Variants in SFXN3 observed in about 807,000 individuals in gnomAD.
SFXN3 encodes the protein sideroflexin 3, also known as sideroflexin-3.
In SFXN3, 31 loss-of-function variants were observed where a neutral mutation model predicts 40.4. That is an observed-to-expected ratio of 0.77 (90% confidence interval 0.58 to 1.04). SFXN3 has a LOEUF of 1.04. Ranked by LOEUF, SFXN3 falls within the 50% of genes least tolerant of loss-of-function variation. SFXN3 has a pLI of 0.00. For synonymous variants in SFXN3, 157 were observed against 160.0 expected, an observed-to-expected ratio of 0.98 and a Z score of 0.14; for missense variants, 366 against 408.2, an observed-to-expected ratio of 0.90 and a Z score of 0.89.
rs775603051 is a variant in SFXN3 at position 101,036,851 on chromosome 10, G to T, written c.593+43G>T. ...CTGGCATGTGCATGCCCAGAATGTA[G>T]CACACTGTCCATCCACGCAGACCAC... On this transcript the variant is annotated intron_variant, in intron 7 of 11. Coordinates refer to ENST00000393459, the Ensembl canonical transcript of SFXN3. This position sits in a 1 kb window ranked among gnomAD's most constrained non-coding sequence, Gnocchi z 4.2. 1.9e-6 allele frequency: 3 copies of T among 1,601,926 alleles called. No individual in the cohort carries two copies. Among genetic ancestry groups the T allele is most frequent in the African/African-American group, 1.3e-5 (1 of 74,772 alleles).
At chr10:101,033,693 CTG>C (rs1453774261) in intron 2 of SFXN3, among the ~76,000 whole-genome samples, 1 of 152,152 alleles carries the variant, frequency 6.6e-6, no homozygotes, top group Non-Finnish European at 1.5e-5. Flanking sequence ...GCACCGGTCT[CTG>C]AGTTCCCTCA....
At chr10:101,038,814 GTGTT>G in intron 10 of SFXN3, 122 bp downstream of exon 10, 1 of 1,477,120 alleles carries the variant, frequency 6.8e-7, no homozygotes, top group Non-Finnish European at 9.3e-7. Context: ...CAGTGGGTGT[GTGTT>G]TGGAACAACT....
At chr10:101,032,669 T>C (rs1040550564) in intron 2 of SFXN3, among the ~76,000 whole-genome samples, 187 bp downstream of exon 2, 1 of 151,960 alleles carries the variant, frequency 6.6e-6, no homozygotes, top group Non-Finnish European at 1.5e-5. Flanking sequence ...CACATTCAAG[T>C]GTCTGCAGAT....
intron 2 of SFXN3, among the ~76,000 whole-genome samples, chr10:101,032,954 A>C (rs1938383032): frequency 6.6e-6 from 1 of 152,152 alleles, no homozygotes; most frequent in Non-Finnish European, 1.5e-5. Flanking sequence ...TCTTATCCGG[A>C]GGCAAGTGGC....
chr10:101,037,403 A>G, exon 9 of SFXN3: 1 of 1,614,118 alleles, frequency 6.2e-7, no homozygotes, highest in Non-Finnish European at 8.5e-7. Context: ...CTGATCATGG[A>G]CACTCTGGAG....
rs1257313580 is a variant in SFXN3, at chr10:101,036,859, TCCATC to T, written c.593+53_593+57del. On this transcript the variant is annotated intron_variant, in intron 7 of 11. Transcript: ENST00000393459. The surrounding 1 kb of genome is among the most constrained non-coding windows in gnomAD (Gnocchi z 4.2). Reference sequence around the variant, plus strand: ...TGCATGCCCAGAATGTAGCACACTGTCCATCCACGCAGACCACCTCAGAATGGGGA... The same window carrying T: ...TGCATGCCCAGAATGTAGCACACTGTCACGCAGACCACCTCAGAATGGGGA... The T allele has an allele frequency of 1.3e-6, 2 of 1,596,740 alleles. No homozygotes were observed. Among genetic ancestry groups the T allele is most frequent in the Non-Finnish European group, 1.7e-6 (2 of 1,166,854 alleles).
At position 101,039,107 on chromosome 10, in the gene SFXN3, TG is replaced by T; in HGVS notation, c.822-64del. ...CTAGGGCCTATCTCCAAGGATGGGG[TG>T]GGGTGCAGGGAGGGAACACCCTAAG... On this transcript the variant is annotated intron_variant, in intron 10 of 11. Transcript: ENST00000393459. The surrounding 1 kb of genome is among the most constrained non-coding windows in gnomAD (Gnocchi z 4.6). 7.4e-7 allele frequency: 1 copy of T among 1,353,112 alleles called. No homozygotes were observed. Among genetic ancestry groups the T allele is most frequent in the Non-Finnish European group, 1.1e-6 (1 of 943,580 alleles). The allele number at this position is 1,353,112 out of a possible 1,614,324, so 83.8% of individuals were successfully genotyped here.
chr10:101,032,733 T>G (rs761503532), intron 2 of SFXN3, among the ~76,000 whole-genome samples: 2 of 152,158 alleles, frequency 1.3e-5, no homozygotes, highest in Non-Finnish European at 2.9e-5. Flanking sequence ...ACAGGACACC[T>G]CCACTCTGTC....
Position 101,039,774 on chromosome 10 carries a change from T to A in SFXN3, c.*189T>A. Reference sequence around the variant, plus strand: ...AAGGCTTTTCCTCCCTTCTCTGGTTTCAAAGATCAGAGCACATAACCCCTC... The same window carrying A: ...AAGGCTTTTCCTCCCTTCTCTGGTTACAAAGATCAGAGCACATAACCCCTC... On this transcript the variant is annotated 3_prime_UTR_variant, in exon 12 of 12. Transcript: ENST00000393459. This position sits in a 1 kb window ranked among gnomAD's most constrained non-coding sequence, Gnocchi z 4.6. 1.6e-6 allele frequency: 1 copy of A among 609,076 alleles called. No homozygotes were observed. 37.7% of individuals were successfully genotyped at this position (609,076 alleles called of 1,614,324 possible). A position where few individuals can be genotyped will look rare whatever the true frequency, so the allele number is the denominator to read the frequency against.
At chr10:101,038,977 A>G (rs1325867368) in intron 10 of SFXN3, among the ~76,000 whole-genome samples, 198 bp from the exon 11 acceptor site, 1 of 152,078 alleles carries the variant, frequency 6.6e-6, no homozygotes, top group Non-Finnish European at 1.5e-5. Context: ...TTAATTCCTG[A>G]TTCTGCCACT....
intron 2 of SFXN3, among the ~76,000 whole-genome samples, chr10:101,033,363 AC>A (rs1938418349): frequency 1.3e-5 from 2 of 152,168 alleles, no homozygotes; most frequent in African/African-American, 4.8e-5. Flanking sequence ...TGTGTCAACC[AC>A]ATATATGTAA....
In SFXN3 at chr10:101,039,684, G is replaced by A. The variant is rs1178190985; in HGVS notation, c.*99G>A. On this transcript the variant is annotated 3_prime_UTR_variant, in exon 12 of 12. Coordinates refer to ENST00000393459, the Ensembl canonical transcript of SFXN3. The surrounding 1 kb of genome is among the most constrained non-coding windows in gnomAD (Gnocchi z 4.6). ...TTGGCTATCTGCCTAGCACTGGGCA[G>A]GGGCCTTGGTGGGCAGATGGCAATT... 14 of 1,231,672 alleles carry A rather than the reference G, an allele frequency of 1.1e-5. No individual in the cohort carries two copies. In the Admixed American group the frequency reaches 1.8e-4, roughly 16 times the overall value. The allele number at this position is 1,231,672 out of a possible 1,614,324, so 76.3% of individuals were successfully genotyped here.
In SFXN3 at chr10:101,039,079, C is replaced by A. The variant is rs967250940; in HGVS notation, c.822-96C>A. On this transcript the variant is annotated intron_variant, in intron 10 of 11. Transcript: ENST00000393459. The surrounding 1 kb of genome is among the most constrained non-coding windows in gnomAD (Gnocchi z 4.6). ...TCCTTTCAGCTTTTATCAATCTCCA[C>A]CCCTAGGGCCTATCTCCAAGGATGG... 27 of 1,079,356 alleles carry A rather than the reference C, an allele frequency of 2.5e-5. No individual in the cohort carries two copies. Among genetic ancestry groups the A allele is most frequent in the Non-Finnish European group, 3.7e-5 (26 of 705,564 alleles). 66.9% of individuals were successfully genotyped at this position (1,079,356 alleles called of 1,614,324 possible). A position where few individuals can be genotyped will look rare whatever the true frequency, so the allele number is the denominator to read the frequency against.
In SFXN3 at chr10:101,039,253, C is replaced by T. The variant is rs1938779621; in HGVS notation, c.869+31C>T. The T allele has an allele frequency of 1.3e-6, 2 of 1,584,538 alleles. No homozygotes were observed. Among genetic ancestry groups the T allele is most frequent in the Non-Finnish European group, 8.6e-7 (1 of 1,161,860 alleles). On this transcript the variant is annotated intron_variant, in intron 11 of 11. Transcript: ENST00000393459. The surrounding 1 kb of genome is among the most constrained non-coding windows in gnomAD (Gnocchi z 4.6). ...TGCTGTCCCTGGGCTGGGTGGGGGA[C>T]TCTGGATTGGACTCTGCATCTCTGG... is the stretch of plus-strand genomic sequence containing the variant.
intron 3 of SFXN3, 58 bp downstream of exon 3, chr10:101,034,913 A>G: frequency 6.3e-7 from 1 of 1,580,346 alleles, no homozygotes; most frequent in South Asian, 1.2e-5. Context: ...TGATTAATAT[A>G]ATATGTTTTG....
chr10:101,037,265 G>C (rs1390886379), intron 8 of SFXN3, 62 bp downstream of exon 8: 1 of 1,613,614 alleles, frequency 6.2e-7, no homozygotes, highest in Non-Finnish European at 8.5e-7. Flanking sequence ...GCAGTTCTCA[G>C]GGACTTTGGA....
exon 3 of SFXN3, chr10:101,034,709 T>C: frequency 6.2e-7 from 1 of 1,614,040 alleles, no homozygotes; most frequent in Non-Finnish European, 8.5e-7. Flanking sequence ...GTGAATTGCC[T>C]TTAGACATCA....
Position 101,032,297 on chromosome 10 carries a change from A to ACACC in SFXN3, c.-172-12_-172-9dup, listed in dbSNP as rs1490163886. 6.2e-6 allele frequency: 4 copies of ACACC among 643,100 alleles called. No individual in the cohort carries two copies. In the African/African-American group the frequency reaches 7.8e-5, roughly 12 times the overall value. 39.8% of individuals were successfully genotyped at this position (643,100 alleles called of 1,614,324 possible). A position where few individuals can be genotyped will look rare whatever the true frequency, so the allele number is the denominator to read the frequency against. ...CAGGCTGGGGGCATCGCCTCGAATG[A>ACACC]CACCCACCGCCCTCAGGTTCTGCCA... On this transcript the variant is annotated splice_polypyrimidine_tract_variant and intron_variant, in intron 1 of 11. Transcript: ENST00000393459.
intron 1 of SFXN3, 164 bp from the exon 2 acceptor site, chr10:101,032,150 A>C: frequency 6.2e-6 from 2 of 321,958 alleles, no homozygotes; most frequent in East Asian, 5.0e-5. Flanking sequence ...AGGGGACTGT[A>C]AACCAAGGGA....
Sources: allele counts gnomAD v4.1 joint callset (sites outside exome capture counted in the v4.1 genomes callset), GRCh38; gene constraint gnomAD v4.1.1; non-coding constraint Gnocchi (gnomAD v3.1); transcripts MANE v1.5; gene names NCBI Gene and HGNC (gene_info 2026-07-23, HGNC 2026-07-21).